The following VSTM5 variants were observed in gnomAD, a reference collection of about 807,000 sequenced individuals.
VSTM5 encodes the protein V-set and transmembrane domain-containing protein 5.
A neutral mutation model predicts 20.3 loss-of-function variants in VSTM5; 21 were observed. That is an observed-to-expected ratio of 1.03 (90% CI 0.73 to 1.49). VSTM5 has a LOEUF of 1.49. Ranked by LOEUF, VSTM5 falls within the 40% of genes most tolerant of loss-of-function variation. The pLI is 0.00. For missense variants in VSTM5, 219 were observed against 250.0 expected (o/e 0.88, Z 0.84); for synonymous variants, 100 against 102.5 (o/e 0.98, Z 0.14).
In VSTM5 at chr11:93,820,464, G is replaced by A. The variant is rs985828478; in HGVS notation, c.*105C>T. ...AATCTCCCACTGTCCTGTTAGGAGC[G>A]GGCTGCAACAGGACCACACACAATG... On this transcript the variant is annotated 3_prime_UTR_variant, in exon 4 of 4. Coordinates refer to ENST00000409977, the MANE Select transcript of VSTM5 (RefSeq NM_001144871.2). The A allele has an allele frequency of 9.2e-6, 11 of 1,202,126 alleles. No homozygotes were observed. Among genetic ancestry groups the A allele is most frequent in the East Asian group, 2.5e-5 (1 of 39,290 alleles). 74.5% of individuals were successfully genotyped at this position (1,202,126 alleles called of 1,614,324 possible).
intron 1 of VSTM5, among the ~76,000 whole-genome samples, chr11:93,832,703 A>C (rs537903266): frequency 6.6e-6 from 1 of 152,244 alleles, no homozygotes; most frequent in Non-Finnish European, 1.5e-5. Flanking sequence ...GGAGACTTGG[A>C]CTAAAGCACT....
In VSTM5 at chr11:93,820,381, G is replaced by A. The variant is rs1944170021; in HGVS notation, c.*188C>T. The A allele has an allele frequency of 1.6e-6, 1 of 629,168 alleles. No individual in the cohort carries two copies. The highest frequency in any genetic ancestry group is 2.8e-6 in the Non-Finnish European group (1 of 362,060). 39.0% of individuals were successfully genotyped at this position (629,168 alleles called of 1,614,324 possible). A position where few individuals can be genotyped will look rare whatever the true frequency, so the allele number is the denominator to read the frequency against. ...ACTCTTCTCCTTGAACTTAGCGCGA[G>A]TCCTAATACTAGCTTTGTCCCATCC... is the stretch of plus-strand genomic sequence containing the variant. On this transcript the variant is annotated 3_prime_UTR_variant, in exon 4 of 4. Coordinates refer to ENST00000409977, the MANE Select transcript of VSTM5 (RefSeq NM_001144871.2).
Position 93,820,254 on chromosome 11 carries a change from TGTC to T in VSTM5, c.*312_*314del. The stretch of plus-strand genomic sequence containing the variant: ...AGGCCATCCTGCACACCAGAGCAAG[TGTC>T]GTGAGCAAGCAGCCAACGCCTGCAC... On this transcript the variant is annotated 3_prime_UTR_variant, in exon 4 of 4. Transcript: ENST00000409977. 1 of 362,640 alleles carries T rather than the reference TGTC, an allele frequency of 2.8e-6. No individual in the cohort carries two copies. The highest frequency in any genetic ancestry group is 5.1e-6 in the Non-Finnish European group (1 of 194,608). 22.5% of individuals were successfully genotyped at this position (362,640 alleles called of 1,614,324 possible).
intron 1 of VSTM5, among the ~76,000 whole-genome samples, chr11:93,830,914 G>C (rs1944278001): frequency 6.6e-6 from 1 of 151,944 alleles, no homozygotes; most frequent in South Asian, 2.1e-4. Context: ...GCCAGGCCCG[G>C]CTATTTTTTA....
At chr11:93,838,047 C>G (rs1312007710) in intron 1 of VSTM5, among the ~76,000 whole-genome samples, 1 of 152,156 alleles carries the variant, frequency 6.6e-6, no homozygotes, top group Non-Finnish European at 1.5e-5. Context: ...TTCCCAATCC[C>G]TGCTGGGGAG....
intron 1 of VSTM5, among the ~76,000 whole-genome samples, chr11:93,831,504 C>A (rs1415609494): frequency 6.6e-6 from 1 of 152,178 alleles, no homozygotes; most frequent in African/African-American, 2.4e-5. Flanking sequence ...TTCACAGGTA[C>A]CCATACCTCC....
At chr11:93,832,412 T>C (rs1232087960) in intron 1 of VSTM5, among the ~76,000 whole-genome samples, 1 of 152,166 alleles carries the variant, frequency 6.6e-6, no homozygotes, top group Non-Finnish European at 1.5e-5. Context: ...ATAGAACATC[T>C]CTAAGTTATT....
At chr11:93,848,564 A>G (rs732359) in intron 1 of VSTM5, among the ~76,000 whole-genome samples, 83,189 of 152,052 alleles carry the variant, frequency 0.55, 24,032 homozygotes, top group East Asian at 0.72. Flanking sequence ...AGGTATGGGC[A>G]GGTGGGGCTG....
rs145621176 is a variant in VSTM5, at chr11:93,824,525, T to G, written c.92-3202A>C. On this transcript the variant is annotated intron_variant, in intron 1 of 3. Transcript: ENST00000409977. ...TCATGTGTTTCTTTTTTGTTGTTGT[T>G]TGTTTTTTGCTATTGAGTTGTATGA... Among the ~76,000 whole-genome samples the G allele has an allele frequency of 3.9e-5, 6 of 152,316 alleles. 1 individual carries two copies. The East Asian group carries it at 1.2e-3, about 29-fold the overall frequency.
At chr11:93,838,041 C>T (rs974102485) in intron 1 of VSTM5, among the ~76,000 whole-genome samples, 2 of 152,120 alleles carry the variant, frequency 1.3e-5, no homozygotes, top group Non-Finnish European at 2.9e-5. Flanking sequence ...AGGCCCTTCC[C>T]AATCCCTGCT....
At position 93,821,120 on chromosome 11, in the gene VSTM5, T is replaced by C; in HGVS notation, c.295A>G (p.Thr99Ala). The C allele has an allele frequency of 6.4e-7, 1 of 1,551,996 alleles. No individual in the cohort carries two copies. Among genetic ancestry groups the C allele is most frequent in the Non-Finnish European group, 8.7e-7 (1 of 1,147,050 alleles). Residue 99 changes from threonine to alanine, a missense_variant, in exon 2 of 4, where the codon ACC (threonine) becomes GCC (alanine). Physicochemically the swap from Thr to Ala is moderately conservative, Grantham distance 58 (BLOSUM62 0). Coordinates refer to ENST00000409977, the MANE Select transcript of VSTM5 (RefSeq NM_001144871.2). ...AGCTGGATGGAGCCGTTGTCAAAGG[T>C]GCAGACTCTGTCCTTGTGGCTTTGA... ...ISQSHKDRVC[T>A]FDNGSIQLFS...
At chr11:93,825,098 G>A (rs1944221354) in intron 1 of VSTM5, among the ~76,000 whole-genome samples, 1 of 152,200 alleles carries the variant, frequency 6.6e-6, no homozygotes, top group African/African-American at 2.4e-5. Flanking sequence ...GAGGCATGAT[G>A]CCTTCAGCTT....
At chr11:93,830,751 G>T (rs2226871) in intron 1 of VSTM5, among the ~76,000 whole-genome samples, 1,593 of 150,050 alleles carry the variant, frequency 0.011, 31 homozygotes, top group African/African-American at 0.038. Context: ...TTTGTTTTTC[G>T]GTTGGTTCTT....
At chr11:93,831,912 G>C (rs908578661) in intron 1 of VSTM5, among the ~76,000 whole-genome samples, 2 of 152,228 alleles carry the variant, frequency 1.3e-5, no homozygotes, top group African/African-American at 4.8e-5. Context: ...TATGTTGTCA[G>C]GAGTGCATGG....
At chr11:93,829,816 G>T (rs939715509) in intron 1 of VSTM5, among the ~76,000 whole-genome samples, 2 of 152,268 alleles carry the variant, frequency 1.3e-5, no homozygotes, top group Non-Finnish European at 2.9e-5. Flanking sequence ...CAGGCTCATC[G>T]GGTGCTGGCC....
chr11:93,830,188 A>G (rs1413444033), intron 1 of VSTM5, among the ~76,000 whole-genome samples: 4 of 152,174 alleles, frequency 2.6e-5, no homozygotes, highest in Non-Finnish European at 4.4e-5. Flanking sequence ...ACCCACGAGG[A>G]TGTTCAAATA....
At chr11:93,831,894 G>C (rs1944286561) in intron 1 of VSTM5, among the ~76,000 whole-genome samples, 1 of 152,232 alleles carries the variant, frequency 6.6e-6, no homozygotes. Flanking sequence ...GAAGAAGTTT[G>C]ATAACATTAT....
At chr11:93,844,229 T>C (rs533330979) in intron 1 of VSTM5, among the ~76,000 whole-genome samples, 38 of 152,244 alleles carry the variant, frequency 2.5e-4, no homozygotes, top group African/African-American at 8.9e-4. Flanking sequence ...GAAGCCTTGG[T>C]GGATGGGGAG....
intron 1 of VSTM5, among the ~76,000 whole-genome samples, chr11:93,844,014 C>G (rs1944392602): frequency 6.6e-6 from 1 of 152,212 alleles, no homozygotes; most frequent in South Asian, 2.1e-4. Context: ...CTCACACCAG[C>G]CTTCCACTCA....
Sources: allele counts gnomAD v4.1 joint callset (sites outside exome capture counted in the v4.1 genomes callset), GRCh38; gene constraint gnomAD v4.1.1; transcripts MANE v1.5; gene names NCBI Gene and HGNC (gene_info 2026-07-23, HGNC 2026-07-21).